The following MEMO1 variants were observed in gnomAD, a reference collection of about 807,000 sequenced individuals.
MEMO1 encodes the protein mediator of cell motility 1, also known as protein MEMO1.
In MEMO1, 6 loss-of-function variants were observed where a neutral mutation model predicts 45.2. The observed-to-expected ratio is 0.13, with a 90% confidence interval of 0.07 to 0.26. The LOEUF is 0.26. Ranked by LOEUF, MEMO1 falls within the 10% of genes least tolerant of loss-of-function variation. MEMO1 has a pLI of 1.00. For synonymous variants in MEMO1, 78 were observed against 124.3 expected (o/e 0.63, Z 2.48); for missense variants, 184 against 370.5 (o/e 0.50, Z 4.13).
intron 2 of MEMO1, among the ~76,000 whole-genome samples, chr2:31,943,642 C>A (rs1400429885): frequency 6.6e-6 from 1 of 152,106 alleles, no homozygotes; most frequent in Non-Finnish European, 1.5e-5. Context: ...CAGAGCAACA[C>A]AATGTGATTT....
chr2:31,994,383 A>C (rs980544739), intron 2 of MEMO1, among the ~76,000 whole-genome samples: 15 of 150,744 alleles, frequency 1.0e-4, no homozygotes, highest in African/African-American at 2.4e-4. Flanking sequence ...TAATCCCAGC[A>C]CTTTGGAAGA....
intron 4 of MEMO1, among the ~76,000 whole-genome samples, chr2:31,924,260 T>C (rs572326780): frequency 6.6e-6 from 1 of 152,258 alleles, no homozygotes; most frequent in East Asian, 1.9e-4. Flanking sequence ...ACATTAAAGT[T>C]CATGCATTTT....
chr2:31,955,540 A>G (rs1667316587), intron 2 of MEMO1, among the ~76,000 whole-genome samples: 1 of 152,174 alleles, frequency 6.6e-6, no homozygotes, highest in African/African-American at 2.4e-5. Flanking sequence ...ATCTTTTAAA[A>G]TCTTCTGTTT....
rs566002220 is a variant in MEMO1 at position 31,940,130 on chromosome 2, T to C, written c.143+3172A>G. Among the ~76,000 whole-genome samples, 174 of 152,252 alleles carry C rather than the reference T, an allele frequency of 1.1e-3. 2 individuals carry two copies. Among genetic ancestry groups the C allele is most frequent in the African/African-American group, 3.0e-3 (126 of 41,546 alleles). ...TTCCTCACTTATTCTCCCTTCATTATCTCCTTTGCAAATGTTCATCTTTAT... is the reference window on the plus strand; with the variant it reads ...TTCCTCACTTATTCTCCCTTCATTACCTCCTTTGCAAATGTTCATCTTTAT... On this transcript the variant is annotated intron_variant, in intron 3 of 9. Coordinates refer to ENST00000404530, the MANE Select transcript of MEMO1 (RefSeq NM_001301833.4).
At chr2:31,972,490 C>A (rs1208989874) in intron 2 of MEMO1, among the ~76,000 whole-genome samples, 5 of 152,050 alleles carry the variant, frequency 3.3e-5, no homozygotes. Flanking sequence ...GCAGGTGGAT[C>A]ACTTGAGGTC....
chr2:31,987,132 CA>C (rs1274741198), intron 2 of MEMO1, among the ~76,000 whole-genome samples: 3 of 152,098 alleles, frequency 2.0e-5, no homozygotes, highest in Non-Finnish European at 4.4e-5. Context: ...GCCTCCCCAG[CA>C]ACTGGGACTA....
chr2:31,929,421 C>G (rs895227162), intron 4 of MEMO1, among the ~76,000 whole-genome samples: 1 of 151,980 alleles, frequency 6.6e-6, no homozygotes, highest in Admixed American at 6.6e-5. Flanking sequence ...ATGTTTTATA[C>G]TCTTCCCAAC....
At chr2:31,886,623 A>T (rs1196895695) in intron 7 of MEMO1, among the ~76,000 whole-genome samples, 1 of 152,202 alleles carries the variant, frequency 6.6e-6, no homozygotes, top group Non-Finnish European at 1.5e-5. Flanking sequence ...GTATCTCAAG[A>T]GCAAATATAT....
chr2:32,009,676 G>T (rs899806067), intron 2 of MEMO1, among the ~76,000 whole-genome samples: 5 of 152,152 alleles, frequency 3.3e-5, no homozygotes, highest in African/African-American at 1.2e-4. Context: ...TCCCCGGACC[G>T]CCAGCGGGGA....
intron 2 of MEMO1, among the ~76,000 whole-genome samples, chr2:31,981,173 C>G (rs1670591336): frequency 6.6e-6 from 1 of 152,198 alleles, no homozygotes; most frequent in Non-Finnish European, 1.5e-5. Flanking sequence ...ACTGACTGAA[C>G]AGATCTGAAG....
At chr2:31,910,677 T>C (rs981890164) in intron 6 of MEMO1, among the ~76,000 whole-genome samples, 1 of 152,026 alleles carries the variant, frequency 6.6e-6, no homozygotes, top group Non-Finnish European at 1.5e-5. Context: ...CTGGGCAGGA[T>C]AGTGAGACCC....
intron 6 of MEMO1, among the ~76,000 whole-genome samples, chr2:31,894,717 T>G (rs561746305): frequency 2.0e-5 from 3 of 152,054 alleles, no homozygotes; most frequent in Non-Finnish European, 4.4e-5. Context: ...AACAGAAAAT[T>G]TGGGTACGTG....
rs554498101 is a variant in MEMO1 at position 31,883,216 on chromosome 2, T to C, written c.657+170A>G. 1.2e-3 allele frequency among the ~76,000 whole-genome samples: 189 copies of C among 152,264 alleles called. 1 individual carries two copies. Among genetic ancestry groups the C allele is most frequent in the South Asian group, 2.9e-3 (14 of 4,830 alleles). On this transcript the variant is annotated intron_variant, in intron 8 of 9. Transcript: ENST00000404530. ...AAATTATGATGACGGAAATTCCTAC[T>C]AGAATAGGGATTATTCTTATAGTCA...
At chr2:31,988,262 T>C (rs951008409) in intron 2 of MEMO1, among the ~76,000 whole-genome samples, 9 of 152,238 alleles carry the variant, frequency 5.9e-5, no homozygotes, top group South Asian at 2.1e-4. Flanking sequence ...AAAAGTAACA[T>C]TGGGCCAGGC....
At chr2:31,958,512 C>T (rs1308622444) in intron 2 of MEMO1, among the ~76,000 whole-genome samples, 1 of 152,026 alleles carries the variant, frequency 6.6e-6, no homozygotes. Flanking sequence ...ACAGTCCCCA[C>T]AAAACTTCTA....
chr2:31,978,248 G>A (rs576397014), intron 2 of MEMO1, among the ~76,000 whole-genome samples: 19 of 152,092 alleles, frequency 1.2e-4, no homozygotes, highest in Admixed American at 8.5e-4. Context: ...TTAGCTGGGC[G>A]TGGTGGTGGG....
intron 2 of MEMO1, among the ~76,000 whole-genome samples, chr2:31,976,050 C>T (rs1271171856): frequency 6.6e-6 from 1 of 152,092 alleles, no homozygotes; most frequent in African/African-American, 2.4e-5. Flanking sequence ...ACCACCATAC[C>T]CAGCTAATTT....
intron 5 of MEMO1, among the ~76,000 whole-genome samples, chr2:31,920,165 C>T (rs1216693049): frequency 2.1e-5 from 3 of 140,216 alleles, no homozygotes; most frequent in African/African-American, 8.3e-5. Flanking sequence ...AAAATTACTC[C>T]CCCCCCCAAA....
intron 6 of MEMO1, among the ~76,000 whole-genome samples, chr2:31,898,875 C>G (rs1030036240): frequency 2.4e-4 from 36 of 152,244 alleles, no homozygotes; most frequent in African/African-American, 8.2e-4. Flanking sequence ...TAAGAACTTG[C>G]TTTATGAATC....
Sources: allele counts gnomAD v4.1 joint callset (sites outside exome capture counted in the v4.1 genomes callset), GRCh38; gene constraint gnomAD v4.1.1; transcripts MANE v1.5; gene names NCBI Gene and HGNC (gene_info 2026-07-23, HGNC 2026-07-21).